The following ITGA1 variants were observed in gnomAD, a reference collection of about 807,000 sequenced individuals.
The protein encoded by ITGA1 is integrin subunit alpha 1, also known as integrin alpha-1.
Under a neutral mutation model 145.9 loss-of-function variants are expected in ITGA1, and 85 were observed. The ratio of observed to expected loss-of-function variants is 0.58; its 90% confidence interval spans 0.49 to 0.70. The LOEUF is 0.70. Ranked by LOEUF, ITGA1 falls within the 30% of genes least tolerant of loss-of-function variation. The pLI is 0.00. For missense variants in ITGA1, 1,351 were observed against 1,418.7 expected, an observed-to-expected ratio of 0.95 and a Z score of 0.77; for synonymous variants, 520 against 495.3, an observed-to-expected ratio of 1.05 and a Z score of -0.66.
At chr5:52,819,143 A>C (rs964896155) in intron 1 of ITGA1, among the ~76,000 whole-genome samples, 1 of 152,206 alleles carries the variant, frequency 6.6e-6, no homozygotes, top group Admixed American at 6.5e-5. Context: ...ATGATTTATA[A>C]TCCTTTGGGT....
At chr5:52,894,809 G>T (rs1205791289) in intron 9 of ITGA1, among the ~76,000 whole-genome samples, 1 of 152,020 alleles carries the variant, frequency 6.6e-6, no homozygotes, top group Non-Finnish European at 1.5e-5. Context: ...GACAAAATGG[G>T]AATGAGACAC....
chr5:52,811,635 G>C (rs1488876188), intron 1 of ITGA1, among the ~76,000 whole-genome samples: 1 of 152,114 alleles, frequency 6.6e-6, no homozygotes, highest in Admixed American at 6.5e-5. Flanking sequence ...CTTGAATATA[G>C]GGTGGTAGGA....
chr5:52,910,511 T>C (rs1750488427), intron 14 of ITGA1, 92 bp downstream of exon 14: 46 of 1,376,506 alleles, frequency 3.3e-5, no homozygotes, highest in Non-Finnish European at 4.4e-5. Context: ...TTATTTAATT[T>C]CTTCCTCCTG....
intron 6 of ITGA1, among the ~76,000 whole-genome samples, chr5:52,873,913 G>C (rs542025015): frequency 6.6e-6 from 1 of 152,104 alleles, no homozygotes; most frequent in East Asian, 1.9e-4. Flanking sequence ...GGGTGCTGGT[G>C]TAACCCTGAC....
chr5:52,869,922 C>G (rs1334941319), intron 6 of ITGA1, among the ~76,000 whole-genome samples: 1 of 151,886 alleles, frequency 6.6e-6, no homozygotes, highest in Non-Finnish European at 1.5e-5. Flanking sequence ...ATTTACCAAG[C>G]CATTGCTTTT....
intron 1 of ITGA1, among the ~76,000 whole-genome samples, chr5:52,843,242 C>T (rs1323068075): frequency 6.6e-6 from 1 of 152,168 alleles, no homozygotes; most frequent in East Asian, 1.9e-4. Context: ...TTATTTCATT[C>T]CTTATGTTAA....
At chr5:52,912,717 T>TA (rs1419965643) in intron 14 of ITGA1, among the ~76,000 whole-genome samples, 10 of 33,354 alleles carry the variant, frequency 3.0e-4, no homozygotes, top group African/African-American at 6.4e-4. Context: ...ATATAGTGTG[T>TA]GTGTGTGTGT....
intron 24 of ITGA1, among the ~76,000 whole-genome samples, chr5:52,937,937 T>C (rs1750995583): frequency 6.6e-6 from 1 of 151,184 alleles, no homozygotes. Flanking sequence ...TGTTTCTATG[T>C]GTTCTCCTTC....
At chr5:52,945,176 T>C (rs1408222841) in intron 27 of ITGA1, 141 bp downstream of exon 27, 3 of 616,528 alleles carry the variant, frequency 4.9e-6, no homozygotes, top group Admixed American at 5.4e-5. Context: ...CTTCAAATTA[T>C]ACTTCATTAG....
intron 13 of ITGA1, 80 bp downstream of exon 13, chr5:52,909,121 C>A (rs1750458879): frequency 1.4e-6 from 2 of 1,432,770 alleles, no homozygotes; most frequent in Non-Finnish European, 9.5e-7. Context: ...TCCAATTTTT[C>A]ACTCACTTTG....
At chr5:52,869,897 G>T (rs963813692) in intron 6 of ITGA1, among the ~76,000 whole-genome samples, 1 of 151,976 alleles carries the variant, frequency 6.6e-6, no homozygotes, top group Non-Finnish European at 1.5e-5. Context: ...AAAATGAAGA[G>T]ATTGGAAAGG....
At chr5:52,800,769 C>T (rs139161716) in intron 1 of ITGA1, 2 of 1,614,122 alleles carry the variant, frequency 1.2e-6, no homozygotes, top group East Asian at 4.5e-5. Context: ...TGGAGCGCAT[C>T]GAGCAGGCCT....
At position 52,856,688 on chromosome 5, in the gene ITGA1, G is replaced by GC. The variant is rs1327217629; in HGVS notation, c.183-4759_183-4758insC. Among the ~76,000 whole-genome samples, 194 of 144,532 alleles carry GC rather than the reference G, an allele frequency of 1.3e-3. 2 individuals carry two copies. The South Asian group carries it at 0.017, about 13-fold the overall frequency. The allele number at this position is 144,532 out of a possible 152,430, so 94.8% of individuals were successfully genotyped here. A position where few individuals can be genotyped will look rare whatever the true frequency, so the allele number is the denominator to read the frequency against. On this transcript the variant is annotated intron_variant, in intron 2 of 28. Coordinates refer to ENST00000282588, the MANE Select transcript of ITGA1 (RefSeq NM_181501.2). ...CAAAGAAGAAAAAGAGACAGAGAGA[G>GC]AGAGAGAGAGAGAGAGAGAGAGAGA...
intron 1 of ITGA1, among the ~76,000 whole-genome samples, chr5:52,822,160 G>A (rs1171238908): frequency 6.6e-6 from 1 of 152,114 alleles, no homozygotes; most frequent in Non-Finnish European, 1.5e-5. Flanking sequence ...TCCAAATGGT[G>A]TTCATATGTG....
At chr5:52,853,085 G>A (rs1016170034) in intron 2 of ITGA1, among the ~76,000 whole-genome samples, 6 of 152,140 alleles carry the variant, frequency 3.9e-5, no homozygotes, top group African/African-American at 1.2e-4. Context: ...TTTGAATGTA[G>A]ATGATATCAG....
intron 26 of ITGA1, among the ~76,000 whole-genome samples, chr5:52,944,607 A>T (rs1751106788): frequency 6.6e-6 from 1 of 152,180 alleles, no homozygotes; most frequent in African/African-American, 2.4e-5. Context: ...GCCTAGATAA[A>T]CTTCATCACC....
Position 52,806,009 on chromosome 5 carries a change from C to A in ITGA1, c.61+17595C>A, listed in dbSNP as rs533614948. 3.5e-4 allele frequency among the ~76,000 whole-genome samples: 53 copies of A among 152,164 alleles called. No individual in the cohort carries two copies. The South Asian group carries it at 9.5e-3, about 27-fold the overall frequency. ...ACTAAAGTGAAGAGCTGAAGAGCAA[C>A]TTAAGAAAGAACAATTAATTCCAAT... is the stretch of plus-strand genomic sequence containing the variant. On this transcript the variant is annotated intron_variant, in intron 1 of 28. Transcript: ENST00000282588.
chr5:52,800,372 G>C, intron 1 of ITGA1: 1 of 1,613,102 alleles, frequency 6.2e-7, no homozygotes, highest in Non-Finnish European at 8.5e-7. Flanking sequence ...CTTTGGTTCT[G>C]TCAGTGAGCC....
In ITGA1 at chr5:52,952,459, T is replaced by TCTTTC; in HGVS notation, c.*8_*9insCTTTC. ...AAGAAAATGGAGAAATGAAATATTTTATGAAAGAAAATAATAACAATTATT... is the reference window on the plus strand; with the variant it reads ...AAGAAAATGGAGAAATGAAATATTTTCTTTCATGAAAGAAAATAATAACAATTATT... On this transcript the variant is annotated 3_prime_UTR_variant, in exon 29 of 29. Coordinates refer to ENST00000282588, the MANE Select transcript of ITGA1 (RefSeq NM_181501.2). 1 of 1,296,248 alleles carries TCTTTC rather than the reference T, an allele frequency of 7.7e-7. No homozygotes were observed. Among genetic ancestry groups the TCTTTC allele is most frequent in the Non-Finnish European group, 1.1e-6 (1 of 928,308 alleles). The allele number at this position is 1,296,248 out of a possible 1,614,324, so 80.3% of individuals were successfully genotyped here.
Sources: allele counts gnomAD v4.1 joint callset (sites outside exome capture counted in the v4.1 genomes callset), GRCh38; gene constraint gnomAD v4.1.1; transcripts MANE v1.5; gene names NCBI Gene and HGNC (gene_info 2026-07-23, HGNC 2026-07-21).